RALGAPA1: variants seen among roughly 807,000 people sequenced by gnomAD.
RALGAPA1 encodes the protein Ral GTPase activating protein catalytic subunit alpha 1.
Under a neutral mutation model 269.6 loss-of-function variants are expected in RALGAPA1, and 52 were observed. The observed-to-expected ratio is 0.19, with a 90% CI of 0.15 to 0.24. The LOEUF is 0.24. RALGAPA1 is among the 10% of genes least tolerant of loss of function. The pLI, the probability that RALGAPA1 is intolerant of heterozygous loss-of-function variation, is 1.00. For missense variants in RALGAPA1, 1,917 were observed against 3,013.9 expected, an observed-to-expected ratio of 0.64 and a Z score of 8.52; for synonymous variants, 817 against 1,008.3, an observed-to-expected ratio of 0.81 and a Z score of 3.60.
At chr14:35,637,127 A>T (rs2061710863) in intron 31 of RALGAPA1, among the ~76,000 whole-genome samples, 1 of 152,216 alleles carries the variant, frequency 6.6e-6, no homozygotes, top group African/African-American at 2.4e-5. Flanking sequence ...GACTGCGAAG[A>T]CTATGATAAA....
chr14:35,612,088 T>C (rs2059968404), intron 35 of RALGAPA1, among the ~76,000 whole-genome samples: 1 of 151,896 alleles, frequency 6.6e-6, no homozygotes, highest in Admixed American at 6.6e-5. Context: ...AAGAATGAAG[T>C]TGGGGCCAGG....
chr14:35,632,123 T>G (rs1405762104), intron 33 of RALGAPA1, among the ~76,000 whole-genome samples: 1 of 152,176 alleles, frequency 6.6e-6, no homozygotes, highest in Non-Finnish European at 1.5e-5. Context: ...TGTCTGTATA[T>G]AAAAGGATAA....
At chr14:35,649,052 C>G (rs1327733694) in intron 31 of RALGAPA1, among the ~76,000 whole-genome samples, 1 of 152,178 alleles carries the variant, frequency 6.6e-6, no homozygotes, top group African/African-American at 2.4e-5. Flanking sequence ...GTTAATACTA[C>G]TCATGTACTG....
At chr14:35,718,352 T>G (rs1292958157) in intron 16 of RALGAPA1, among the ~76,000 whole-genome samples, 1 of 152,224 alleles carries the variant, frequency 6.6e-6, no homozygotes, top group Non-Finnish European at 1.5e-5. Context: ...ATTTTATATG[T>G]TATGCTATAA....
chr14:35,611,012 C>G lies in RALGAPA1; in HGVS notation c.6930-5303G>C, dbSNP rs138370575. 2.6e-5 allele frequency among the ~76,000 whole-genome samples: 4 copies of G among 152,128 alleles called. No individual in the cohort carries two copies. The East Asian group carries it at 7.7e-4, about 29-fold the overall frequency. On this transcript the variant is annotated intron_variant, in intron 35 of 41. Transcript: ENST00000680220. ...TTAAAAAAAAGTCATGTTCATGGGCCTAAAGACTTAATATTGTTAAGATGA... is the reference window on the plus strand; with the variant it reads ...TTAAAAAAAAGTCATGTTCATGGGCGTAAAGACTTAATATTGTTAAGATGA...
At chr14:35,755,684 A>G (rs925434555) in intron 7 of RALGAPA1, among the ~76,000 whole-genome samples, 22 of 152,196 alleles carry the variant, frequency 1.4e-4, no homozygotes, top group African/African-American at 5.3e-4. Context: ...GGCCTCATAC[A>G]CCAAAATGGT....
intron 21 of RALGAPA1, among the ~76,000 whole-genome samples, chr14:35,683,116 C>T (rs895153783): frequency 7.2e-5 from 11 of 152,102 alleles, no homozygotes; most frequent in African/African-American, 2.7e-4. Flanking sequence ...AAACTGTAGC[C>T]GGAACCACAG....
intron 10 of RALGAPA1, among the ~76,000 whole-genome samples, chr14:35,747,794 T>A (rs2072260871): frequency 6.6e-6 from 1 of 152,210 alleles, no homozygotes; most frequent in South Asian, 2.1e-4. Flanking sequence ...AATAGTAGTT[T>A]TCATAAGGTT....
In RALGAPA1 at chr14:35,627,409, T is replaced by C. The variant is rs371628350; in HGVS notation, c.6538A>G (p.Ile2180Val). The change falls in exon 34 of 42, where the codon ATA becomes GTA. Residue 2180 changes from isoleucine (I) to valine (V), a missense_variant. Transcript: ENST00000680220. The stretch of plus-strand genomic sequence containing the variant: ...TCAAGAACATCTTCTTCATCTCTTA[T>C]TGTATCCCAAGTTGGTACAGTTTCT... ...FRETVPTWDT[I>V]RDEEDVLDEL... 5.0e-5 allele frequency: 80 copies of C among 1,614,048 alleles called. No homozygotes were observed. The highest frequency in any genetic ancestry group is 6.4e-5 in the Non-Finnish European group (75 of 1,180,032).
At chr14:35,607,036 C>T (rs1439120186) in intron 35 of RALGAPA1, among the ~76,000 whole-genome samples, 1 of 152,136 alleles carries the variant, frequency 6.6e-6, no homozygotes, top group Non-Finnish European at 1.5e-5. Flanking sequence ...ACTTCCAAAG[C>T]TGCAGAATAA....
chr14:35,748,830 A>G lies in RALGAPA1; in HGVS notation c.1012-6T>C, dbSNP rs1212751714. 3 of 1,543,392 alleles carry G rather than the reference A, an allele frequency of 1.9e-6. No homozygotes were observed. Among genetic ancestry groups the G allele is most frequent in the Non-Finnish European group, 2.6e-6 (3 of 1,158,852 alleles). ...ACTAAACTAGCAGCTGCTCTCTAAAATACAAAAAAAAAAAAAAAAGAGAGA... is the reference window on the plus strand; with the variant it reads ...ACTAAACTAGCAGCTGCTCTCTAAAGTACAAAAAAAAAAAAAAAAGAGAGA... On this transcript the variant is annotated splice_region_variant and splice_polypyrimidine_tract_variant and intron_variant, in intron 9 of 41. Transcript: ENST00000680220.
At chr14:35,791,892 G>A (rs1350810009) in intron 1 of RALGAPA1, among the ~76,000 whole-genome samples, 14 of 107,772 alleles carry the variant, frequency 1.3e-4, no homozygotes, top group African/African-American at 2.3e-4. Context: ...CCGACAGAGC[G>A]AGACTCTGTC....
At chr14:35,631,855 C>T (rs1441322798) in intron 33 of RALGAPA1, among the ~76,000 whole-genome samples, 2 of 152,094 alleles carry the variant, frequency 1.3e-5, no homozygotes, top group African/African-American at 4.8e-5. Context: ...TTATGAGTTT[C>T]TTTTTCAAAC....
chr14:35,548,582 T>C, intron 40 of RALGAPA1, 44 bp from the exon 41 acceptor site: 2 of 1,354,846 alleles, frequency 1.5e-6, no homozygotes, highest in African/African-American at 1.5e-5. Context: ...GAGAGCAAGA[T>C]ATTACAGAAT....
At chr14:35,584,418 T>C (rs925490018) in intron 37 of RALGAPA1, among the ~76,000 whole-genome samples, 1 of 152,030 alleles carries the variant, frequency 6.6e-6, no homozygotes, top group Admixed American at 6.6e-5. Context: ...GGATACACCA[T>C]CATGCCTGGC....
chr14:35,647,466 G>C (rs1048956914), intron 31 of RALGAPA1, among the ~76,000 whole-genome samples: 1 of 152,118 alleles, frequency 6.6e-6, no homozygotes, highest in South Asian at 2.1e-4. Flanking sequence ...AGAGTTCCTA[G>C]AGAAATAATA....
chr14:35,566,695 T>A (rs1024899338), intron 39 of RALGAPA1, among the ~76,000 whole-genome samples: 2 of 151,832 alleles, frequency 1.3e-5, no homozygotes, highest in African/African-American at 4.8e-5. Flanking sequence ...TAATACATTA[T>A]GTTTCTGAAA....
At chr14:35,642,319 G>A (rs2062085925) in intron 31 of RALGAPA1, among the ~76,000 whole-genome samples, 1 of 151,958 alleles carries the variant, frequency 6.6e-6, no homozygotes, top group African/African-American at 2.4e-5. Flanking sequence ...CCCACAGAAG[G>A]GGAGAAAATA....
intron 17 of RALGAPA1, among the ~76,000 whole-genome samples, chr14:35,695,309 C>T (rs1345968552): frequency 1.3e-5 from 2 of 151,844 alleles, no homozygotes; most frequent in Admixed American, 6.6e-5. Flanking sequence ...ATATTAATAT[C>T]CTATTCTACA....
Sources: gnomAD v4.1 joint callset for allele counts (sites outside exome capture counted in the v4.1 genomes callset) on GRCh38, gnomAD v4.1.1 for gene constraint, MANE v1.5 for transcripts, NCBI Gene and HGNC (gene_info 2026-07-23, HGNC 2026-07-21) for gene names.